Variants in PLEKHM3 observed in about 807,000 individuals in gnomAD.
PLEKHM3 encodes pleckstrin homology domain-containing family M member 3.
A neutral mutation model predicts 81.8 loss-of-function variants in PLEKHM3; 45 were observed. The observed-to-expected ratio is 0.55, with a 90% CI of 0.43 to 0.71. PLEKHM3 has a LOEUF of 0.71. PLEKHM3 is among the 30% of genes least tolerant of loss of function. The pLI is 0.00. For synonymous variants in PLEKHM3, 352 were observed against 356.4 expected (o/e 0.99, Z 0.14); for missense variants, 788 against 924.3 (o/e 0.85, Z 1.91).
intron 2 of PLEKHM3, among the ~76,000 whole-genome samples, chr2:207,996,786 C>CA (rs1042675045): frequency 1.3e-4 from 19 of 151,036 alleles, no homozygotes; most frequent in South Asian, 2.1e-4. Flanking sequence ...CATTTTATAA[C>CA]AAAAAAAAAC....
At chr2:207,979,130 T>C (rs1260046560) in intron 2 of PLEKHM3, among the ~76,000 whole-genome samples, 2 of 152,218 alleles carry the variant, frequency 1.3e-5, no homozygotes. Flanking sequence ...CCCCTCTGTT[T>C]TACAAGTCAT....
intron 5 of PLEKHM3, among the ~76,000 whole-genome samples, chr2:207,923,650 A>G (rs1418724594): frequency 1.3e-5 from 2 of 151,650 alleles, no homozygotes; most frequent in Non-Finnish European, 2.9e-5. Context: ...TTATTGAAAT[A>G]AGGTGATGAG....
intron 1 of PLEKHM3, among the ~76,000 whole-genome samples, chr2:208,015,311 A>G (rs1392198606): frequency 6.6e-6 from 1 of 152,222 alleles, no homozygotes; most frequent in Non-Finnish European, 1.5e-5. Flanking sequence ...CCCTGGGATA[A>G]TATGGCTAAA....
intron 5 of PLEKHM3, among the ~76,000 whole-genome samples, chr2:207,916,066 G>A (rs1688983531): frequency 6.6e-6 from 1 of 152,120 alleles, no homozygotes; most frequent in Non-Finnish European, 1.5e-5. Context: ...TTAAATCAAA[G>A]GCACATATTT....
At chr2:207,835,062 T>G (rs1295617136) in intron 7 of PLEKHM3, among the ~76,000 whole-genome samples, 1 of 151,780 alleles carries the variant, frequency 6.6e-6, no homozygotes, top group Non-Finnish European at 1.5e-5. Context: ...TGCCTCAGCC[T>G]CCGAAGTAGC....
intron 3 of PLEKHM3, among the ~76,000 whole-genome samples, chr2:207,973,211 T>A (rs1158087347): frequency 1.3e-5 from 2 of 152,248 alleles, no homozygotes; most frequent in African/African-American, 4.8e-5. Context: ...GGATGCAAAG[T>A]TAGAAGACAT....
intron 5 of PLEKHM3, among the ~76,000 whole-genome samples, chr2:207,926,418 C>T (rs1689396227): frequency 6.6e-6 from 1 of 152,210 alleles, no homozygotes; most frequent in Non-Finnish European, 1.5e-5. Context: ...GTGTGTGACA[C>T]ATCCTGCTGT....
At chr2:207,891,483 T>C (rs1290767130) in intron 6 of PLEKHM3, among the ~76,000 whole-genome samples, 1 of 152,202 alleles carries the variant, frequency 6.6e-6, no homozygotes, top group Non-Finnish European at 1.5e-5. Flanking sequence ...GCCGGCAAGA[T>C]ACAAACTCAA....
intron 3 of PLEKHM3, among the ~76,000 whole-genome samples, chr2:207,957,166 T>G (rs1408595057): frequency 6.6e-6 from 1 of 152,038 alleles, no homozygotes; most frequent in Non-Finnish European, 1.5e-5. Flanking sequence ...TTTGAAGCAT[T>G]TAATCCAAAA....
chr2:208,006,556 G>T (rs549706291), intron 1 of PLEKHM3, among the ~76,000 whole-genome samples: 2 of 152,270 alleles, frequency 1.3e-5, no homozygotes, highest in South Asian at 4.1e-4. Flanking sequence ...ATTGCTTTGC[G>T]TGTGGATCAT....
rs2092234880 is a variant in PLEKHM3, at chr2:207,824,061, C to G, written c.*4258G>C. On this transcript the variant is annotated 3_prime_UTR_variant, in exon 8 of 8. Coordinates refer to ENST00000427836, the MANE Select transcript of PLEKHM3 (RefSeq NM_001080475.3). Reference sequence around the variant, plus strand: ...ACTGGATTCGACCTCGAGCAGACAGCTCTACCTGACTCAGGGTCGGAAGAG... The same window carrying G: ...ACTGGATTCGACCTCGAGCAGACAGGTCTACCTGACTCAGGGTCGGAAGAG... The G allele has an allele frequency of 6.6e-6, 1 of 152,222 alleles. No individual in the cohort carries two copies. The highest frequency in any genetic ancestry group is 2.1e-4 in the South Asian group (1 of 4,832). 9.4% of individuals were successfully genotyped at this position (152,222 alleles called of 1,614,324 possible).
intron 3 of PLEKHM3, among the ~76,000 whole-genome samples, chr2:207,959,647 T>C (rs1427745276): frequency 6.6e-6 from 1 of 152,184 alleles, no homozygotes; most frequent in Non-Finnish European, 1.5e-5. Flanking sequence ...CTTTACAGTA[T>C]CCTGAAAACA....
chr2:207,898,213 G>A (rs533685306), intron 6 of PLEKHM3, among the ~76,000 whole-genome samples: 1 of 152,328 alleles, frequency 6.6e-6, no homozygotes, highest in African/African-American at 2.4e-5. Context: ...GGCCTGCAGA[G>A]TGTTTAAATA....
chr2:207,977,246 C>T lies in PLEKHM3; in HGVS notation c.951G>A (p.Arg317=). The T allele has an allele frequency of 6.2e-7, 1 of 1,614,162 alleles. No individual in the cohort carries two copies. The highest frequency in any genetic ancestry group is 8.5e-7 in the Non-Finnish European group (1 of 1,180,012). The change falls in exon 3 of 8, where the codon CGG becomes CGA. Residue 317 remains arginine, a synonymous_variant. Transcript: ENST00000427836. The part of the protein sequence containing the change: ...VHAAVPGYMG[R]QNELTISPGL... ...CTGGTGAGATTGTCAGCTCATTCTG[C>T]CGCCCCATGTAACCGGGCACAGCAG...
chr2:207,950,095 GA>G (rs1299676541), intron 3 of PLEKHM3, among the ~76,000 whole-genome samples: 1 of 152,182 alleles, frequency 6.6e-6, no homozygotes, highest in Non-Finnish European at 1.5e-5. Flanking sequence ...AGAGATGAGA[GA>G]ACATGGATAG....
chr2:207,852,841 A>G, intron 7 of PLEKHM3: 1 of 428,220 alleles, frequency 2.3e-6, no homozygotes, highest in Non-Finnish European at 4.5e-6. Flanking sequence ...CGAATCTAAA[A>G]TTTAAAAAGA....
chr2:207,992,183 G>A (rs1161330677), intron 2 of PLEKHM3, among the ~76,000 whole-genome samples: 10 of 152,146 alleles, frequency 6.6e-5, no homozygotes, highest in Non-Finnish European at 1.2e-4. Flanking sequence ...CTGGAGAAGC[G>A]GTTTAACACA....
rs1692306114 is a variant in PLEKHM3 at position 208,001,550 on chromosome 2, A to G, written c.90T>C (p.Ala30=). 2 of 1,614,108 alleles carry G rather than the reference A, an allele frequency of 1.2e-6. No individual in the cohort carries two copies. Among genetic ancestry groups the G allele is most frequent in the Non-Finnish European group, 8.5e-7 (1 of 1,180,046 alleles). ...FSTLDSNLEK[A]VQQAEVYGIQ... is the part of the protein sequence containing the mutation. ...TCCCATAAACCTCTGCCTGCTGCACAGCCTTTTCTAGATTACTATCCAAAG... is the reference window on the plus strand; with the variant it reads ...TCCCATAAACCTCTGCCTGCTGCACGGCCTTTTCTAGATTACTATCCAAAG... The change falls in exon 2 of 8, where the codon GCT becomes GCC. Residue 30 remains alanine, a synonymous_variant. Coordinates refer to ENST00000427836, the MANE Select transcript of PLEKHM3 (RefSeq NM_001080475.3).
At chr2:207,838,302 T>C (rs753690886) in intron 7 of PLEKHM3, among the ~76,000 whole-genome samples, 4 of 152,202 alleles carry the variant, frequency 2.6e-5, no homozygotes, top group South Asian at 4.1e-4. Flanking sequence ...TGTCCTGCAA[T>C]GCTCTTTTTA....
Sources: allele counts gnomAD v4.1 joint callset (sites outside exome capture counted in the v4.1 genomes callset), GRCh38; gene constraint gnomAD v4.1.1; transcripts MANE v1.5; gene names NCBI Gene and HGNC (gene_info 2026-07-23, HGNC 2026-07-21).